DSCAM: variants seen among roughly 807,000 people sequenced by gnomAD.
DSCAM encodes the protein DS cell adhesion molecule.
In DSCAM, 47 loss-of-function variants were observed where a neutral mutation model predicts 217.7. The observed-to-expected ratio is 0.22, with a 90% confidence interval of 0.17 to 0.28. The LOEUF is 0.28. Ranked by LOEUF, DSCAM falls within the 10% of genes least tolerant of loss-of-function variation. The pLI is 1.00. For missense variants in DSCAM, 2,080 were observed against 2,618.3 expected (o/e 0.79, Z 4.49); for synonymous variants, 1,056 against 1,015.3 (o/e 1.04, Z -0.76).
intron 3 of DSCAM, among the ~76,000 whole-genome samples, chr21:40,406,237 T>C (rs1039013603): frequency 3.9e-5 from 6 of 152,276 alleles, no homozygotes; most frequent in African/African-American, 1.4e-4. Context: ...TGGAAAATGG[T>C]ATGGAAGCTC....
chr21:40,562,260 C>T (rs932067513), intron 3 of DSCAM, among the ~76,000 whole-genome samples: 5 of 152,244 alleles, frequency 3.3e-5, no homozygotes, highest in East Asian at 1.9e-4. Context: ...TGAATTCTCA[C>T]GAGATCTGAT....
chr21:40,046,993 T>C (rs772169571), intron 30 of DSCAM, among the ~76,000 whole-genome samples: 5 of 152,054 alleles, frequency 3.3e-5, no homozygotes, highest in Non-Finnish European at 5.9e-5. Flanking sequence ...CCTGGTCTCT[T>C]TTCAAGTTAA....
intron 3 of DSCAM, among the ~76,000 whole-genome samples, chr21:40,403,629 GCACA>G (rs3069908): frequency 0.09 from 13,060 of 145,510 alleles, 752 homozygotes; most frequent in Admixed American, 0.2. Flanking sequence ...GCATGCATGT[GCACA>G]CACACACACA....
chr21:40,679,543 CAT>C (rs1055612013), intron 3 of DSCAM, among the ~76,000 whole-genome samples: 4 of 152,202 alleles, frequency 2.6e-5, no homozygotes, highest in African/African-American at 9.6e-5. Flanking sequence ...TATAACCTGA[CAT>C]GTGCATGCCA....
At chr21:40,671,503 C>CCG (rs1568975434) in intron 3 of DSCAM, among the ~76,000 whole-genome samples, 2 of 151,522 alleles carry the variant, frequency 1.3e-5, no homozygotes, top group Admixed American at 1.3e-4. Flanking sequence ...GTGAAACTCC[C>CCG]CCCCCGCACC....
chr21:40,391,981 C>T (rs960409105), intron 3 of DSCAM, among the ~76,000 whole-genome samples: 1 of 152,204 alleles, frequency 6.6e-6, no homozygotes, highest in Non-Finnish European at 1.5e-5. Flanking sequence ...GGAGTTCGGG[C>T]TGTGGGAACC....
At chr21:40,482,560 CTT>C in intron 3 of DSCAM, among the ~76,000 whole-genome samples, 1 of 152,212 alleles carries the variant, frequency 6.6e-6, no homozygotes, top group Non-Finnish European at 1.5e-5. Context: ...AAAGGAAAAA[CTT>C]TATTGGTTTT....
At chr21:40,725,895 GT>G (rs1454738616) in intron 1 of DSCAM, among the ~76,000 whole-genome samples, 1 of 152,104 alleles carries the variant, frequency 6.6e-6, no homozygotes, top group African/African-American at 2.4e-5. Flanking sequence ...ATCATGCAAA[GT>G]CAAAATTTTG....
intron 11 of DSCAM, among the ~76,000 whole-genome samples, chr21:40,228,649 T>C (rs537798566): frequency 3.2e-4 from 48 of 151,724 alleles, no homozygotes; most frequent in African/African-American, 1.2e-3. Flanking sequence ...TTTTCTTTTT[T>C]TTTTTTTTCT....
chr21:40,082,454 C>T (rs1197799603), intron 24 of DSCAM, among the ~76,000 whole-genome samples: 2 of 152,058 alleles, frequency 1.3e-5, no homozygotes, highest in East Asian at 1.9e-4. Flanking sequence ...AGTGAGACTC[C>T]GTCTCAACAA....
At chr21:40,425,355 G>A (rs542124392) in intron 3 of DSCAM, among the ~76,000 whole-genome samples, 4 of 152,138 alleles carry the variant, frequency 2.6e-5, no homozygotes, top group East Asian at 3.9e-4. Flanking sequence ...GTGAAACCCC[G>A]TCTCTACTAA....
chr21:40,832,334 A>G lies in DSCAM; in HGVS notation c.43+14285T>C, dbSNP rs140521274. 5.3e-5 allele frequency among the ~76,000 whole-genome samples: 8 copies of G among 152,358 alleles called. No individual in the cohort carries two copies. In the East Asian group the frequency reaches 1.3e-3, roughly 26 times the overall value. ...GAATCAAATGGTCACTCAAGTGTCC[A>G]CACACTTTAGATGCCCAATACATAC... On this transcript the variant is annotated intron_variant, in intron 1 of 32. Coordinates refer to ENST00000400454, the MANE Select transcript of DSCAM (RefSeq NM_001389.5).
At chr21:40,211,608 T>C (rs184510296) in intron 11 of DSCAM, among the ~76,000 whole-genome samples, 11 of 152,338 alleles carry the variant, frequency 7.2e-5, no homozygotes, top group Non-Finnish European at 1.3e-4. Flanking sequence ...GCATGCATTT[T>C]TGATGTGTAG....
At chr21:40,560,754 C>T (rs368711400) in intron 3 of DSCAM, among the ~76,000 whole-genome samples, 3 of 152,316 alleles carry the variant, frequency 2.0e-5, no homozygotes, top group South Asian at 2.1e-4. Flanking sequence ...TGTTTGCCCC[C>T]GTGACAGTGT....
chr21:40,650,202 T>G (rs1253393492), intron 3 of DSCAM, among the ~76,000 whole-genome samples: 1 of 152,218 alleles, frequency 6.6e-6, no homozygotes, highest in African/African-American at 2.4e-5. Flanking sequence ...CAAGGCTTTA[T>G]TTCATCCAAG....
intron 11 of DSCAM, among the ~76,000 whole-genome samples, chr21:40,209,520 C>T (rs544033850): frequency 6.6e-6 from 1 of 152,270 alleles, no homozygotes; most frequent in East Asian, 1.9e-4. Context: ...GCTGCTGTCT[C>T]CCATCTCTGG....
chr21:40,082,818 A>AG (rs1170025409), intron 24 of DSCAM, among the ~76,000 whole-genome samples: 2 of 152,042 alleles, frequency 1.3e-5, no homozygotes, highest in African/African-American at 2.4e-5. Context: ...TTCCATGGTG[A>AG]GGGAATGTTC....
chr21:40,330,872 CA>C (rs2074371025), intron 8 of DSCAM, among the ~76,000 whole-genome samples: 1 of 152,132 alleles, frequency 6.6e-6, no homozygotes, highest in African/African-American at 2.4e-5. Flanking sequence ...AAGGATTATA[CA>C]TTTAATACGT....
rs553053749 is a variant in DSCAM at position 40,647,561 on chromosome 21, T to C, written c.508+45249A>G. On this transcript the variant is annotated intron_variant, in intron 3 of 32. Transcript: ENST00000400454. ...CATAGTCCAAAGTCAGGTTCTCTTG[T>C]CTAAAATAGCAAAATTTCTAGTGAT... 3.1e-3 allele frequency among the ~76,000 whole-genome samples: 466 copies of C among 152,302 alleles called. 2 individuals are homozygous for C. The highest frequency in any genetic ancestry group is 0.01 in the African/African-American group (426 of 41,568).
Sources: gnomAD v4.1 joint callset for allele counts (sites outside exome capture counted in the v4.1 genomes callset) on GRCh38, gnomAD v4.1.1 for gene constraint, MANE v1.5 for transcripts, NCBI Gene and HGNC (gene_info 2026-07-23, HGNC 2026-07-21) for gene names.